ESR1: variants seen among roughly 807,000 people sequenced by gnomAD.
The protein encoded by ESR1 is estrogen receptor.
A neutral mutation model predicts 52.7 loss-of-function variants in ESR1; 12 were observed. That is an observed-to-expected ratio of 0.23 (90% CI 0.15 to 0.37). The LOEUF is 0.37. Ranked by LOEUF, ESR1 falls within the 10% of genes least tolerant of loss-of-function variation. The pLI, the probability that ESR1 is intolerant of heterozygous loss-of-function variation, is 1.00. For synonymous variants in ESR1, 305 were observed against 316.8 expected (o/e 0.96, Z 0.39); for missense variants, 584 against 779.7 (o/e 0.75, Z 2.99).
intron 2 of ESR1, among the ~76,000 whole-genome samples, chr6:151,711,045 T>G (rs1780564931): frequency 1.3e-5 from 2 of 152,212 alleles, no homozygotes; most frequent in African/African-American, 2.4e-5. Context: ...GAATGACTTA[T>G]AATCCTTTGG....
chr6:151,665,228 G>A (rs1777778073), intron 1 of ESR1, among the ~76,000 whole-genome samples: 1 of 152,164 alleles, frequency 6.6e-6, no homozygotes, highest in Non-Finnish European at 1.5e-5. Context: ...TGGCTCGAGA[G>A]ACTTCCATTA....
intron 1 of ESR1, among the ~76,000 whole-genome samples, chr6:151,671,322 TG>T (rs1778050858): frequency 6.6e-6 from 1 of 152,210 alleles, no homozygotes; most frequent in South Asian, 2.1e-4. Context: ...AAATGTGGTA[TG>T]TATACACTGT....
intron 4 of ESR1, among the ~76,000 whole-genome samples, chr6:151,994,182 A>G (rs1218013713): frequency 6.6e-6 from 1 of 152,164 alleles, no homozygotes; most frequent in Non-Finnish European, 1.5e-5. Flanking sequence ...TTTGAATTTT[A>G]CATGTTCCGT....
chr6:151,807,898 C>G lies in ESR1; in HGVS notation c.-15C>G, dbSNP rs766298030. 1.9e-6 allele frequency: 3 copies of G among 1,611,592 alleles called. No homozygotes were observed. The Admixed American group carries it at 5.0e-5, about 27-fold the overall frequency. ...TGCGGGGACACGGTCTGCACCCTGCCCGCGGCCACGGACCATGACCATGAC... is the reference window on the plus strand; with the variant it reads ...TGCGGGGACACGGTCTGCACCCTGCGCGCGGCCACGGACCATGACCATGAC... On this transcript the variant is annotated 5_prime_UTR_variant, in exon 1 of 8. Coordinates refer to ENST00000206249, the MANE Select transcript of ESR1 (RefSeq NM_000125.4).
chr6:152,031,976 C>G (rs1429310302), intron 5 of ESR1, among the ~76,000 whole-genome samples: 2 of 152,206 alleles, frequency 1.3e-5, no homozygotes, highest in Non-Finnish European at 2.9e-5. Context: ...GGATGCAAGG[C>G]TGGTTCAACA....
intron 5 of ESR1, among the ~76,000 whole-genome samples, chr6:152,015,295 G>A (rs1012840088): frequency 1.3e-5 from 2 of 152,074 alleles, no homozygotes; most frequent in Non-Finnish European, 2.9e-5. Context: ...TACCTATAAG[G>A]CTCATTTCAG....
intron 2 of ESR1, among the ~76,000 whole-genome samples, chr6:151,716,358 T>G (rs751185028): frequency 6.6e-6 from 1 of 152,132 alleles, no homozygotes; most frequent in Non-Finnish European, 1.5e-5. Context: ...GCTCAAATAT[T>G]GTGCTGGGGG....
chr6:151,911,853 G>A (rs552653443), intron 3 of ESR1, among the ~76,000 whole-genome samples: 13 of 152,344 alleles, frequency 8.5e-5, no homozygotes, highest in Middle Eastern at 3.4e-3. Flanking sequence ...TGAGCACCAT[G>A]GACATGGCTG....
intron 2 of ESR1, among the ~76,000 whole-genome samples, chr6:151,785,984 G>A (rs566332460): frequency 6.6e-6 from 1 of 152,120 alleles, no homozygotes; most frequent in African/African-American, 2.4e-5. Context: ...CAGCCACCCT[G>A]GGGTCAGACA....
intron 5 of ESR1, among the ~76,000 whole-genome samples, chr6:152,033,503 C>G (rs927218280): frequency 6.6e-6 from 1 of 152,130 alleles, no homozygotes; most frequent in Non-Finnish European, 1.5e-5. Context: ...AGACACTTCT[C>G]AAAAGAAGAC....
chr6:151,911,042 C>T (rs1166606503), intron 3 of ESR1, among the ~76,000 whole-genome samples: 2 of 152,144 alleles, frequency 1.3e-5, no homozygotes, highest in Non-Finnish European at 2.9e-5. Context: ...AATGCTGCCG[C>T]TGATCTGACA....
intron 2 of ESR1, among the ~76,000 whole-genome samples, chr6:151,726,336 C>CT (rs35800682): frequency 0.028 from 4,150 of 147,242 alleles, 80 homozygotes; most frequent in Non-Finnish European, 0.04. Flanking sequence ...TAAAGATTTT[C>CT]TTTTTTTTTT....
intron 2 of ESR1, among the ~76,000 whole-genome samples, chr6:151,715,666 G>A (rs146196027): frequency 0.019 from 2,937 of 152,206 alleles, 36 homozygotes; most frequent in East Asian, 0.033. Flanking sequence ...TTCTTGTGCT[G>A]TGTTTCTCAG....
chr6:152,064,800 G>A (rs1345147952), intron 6 of ESR1, among the ~76,000 whole-genome samples: 1 of 152,144 alleles, frequency 6.6e-6, no homozygotes, highest in Non-Finnish European at 1.5e-5. Flanking sequence ...ATGCTTATTT[G>A]CTAGACATGG....
intron 2 of ESR1, among the ~76,000 whole-genome samples, chr6:151,848,598 T>A (rs1370312742): frequency 2.6e-5 from 4 of 152,154 alleles, no homozygotes; most frequent in Non-Finnish European, 5.9e-5. Flanking sequence ...TCTGGTCACC[T>A]TCTGGCTTGA....
intron 2 of ESR1, among the ~76,000 whole-genome samples, chr6:151,741,396 G>T (rs566286981): frequency 6.6e-6 from 1 of 151,924 alleles, no homozygotes; most frequent in Non-Finnish European, 1.5e-5. Flanking sequence ...GAGCGCATAC[G>T]GGATAAGGGC....
chr6:151,876,302 G>C (rs573038633), intron 2 of ESR1, among the ~76,000 whole-genome samples: 1 of 152,056 alleles, frequency 6.6e-6, no homozygotes, highest in Non-Finnish European at 1.5e-5. Context: ...CCATCTTGAC[G>C]AGTGTGAGAG....
chr6:151,864,163 A>G (rs1789408356), intron 2 of ESR1, among the ~76,000 whole-genome samples: 1 of 152,206 alleles, frequency 6.6e-6, no homozygotes, highest in Non-Finnish European at 1.5e-5. Flanking sequence ...CAACCTACAG[A>G]ATGGGAGAAA....
At chr6:151,902,573 G>C (rs1201477774) in intron 3 of ESR1, among the ~76,000 whole-genome samples, 1 of 152,188 alleles carries the variant, frequency 6.6e-6, no homozygotes, top group Non-Finnish European at 1.5e-5. Context: ...TTAAGTCTTA[G>C]CTGTTGGAAT....
Sources: gnomAD v4.1 joint callset for allele counts (sites outside exome capture counted in the v4.1 genomes callset) on GRCh38, gnomAD v4.1.1 for gene constraint, MANE v1.5 for transcripts, NCBI Gene and HGNC (gene_info 2026-07-23, HGNC 2026-07-21) for gene names.